The following SLC35D1 variants were observed in gnomAD, a reference collection of about 807,000 sequenced individuals.
SLC35D1 encodes nucleotide sugar transporter SLC35D1.
In SLC35D1, 31 loss-of-function variants were observed where a neutral mutation model predicts 46.7. The ratio of observed to expected loss-of-function variants is 0.66; its 90% CI spans 0.50 to 0.90. The LOEUF (loss-of-function observed/expected upper bound fraction) is 0.90. Among genes scored for constraint, SLC35D1 ranks in the 40% least tolerant of loss-of-function variants. SLC35D1 has a pLI of 0.00. For synonymous variants in SLC35D1, 195 were observed against 164.6 expected, an observed-to-expected ratio of 1.18 and a Z score of -1.41; for missense variants, 397 against 426.2, an observed-to-expected ratio of 0.93 and a Z score of 0.60.
chr1:67,001,147 A>T lies in SLC35D1; in HGVS notation c.*3193T>A, dbSNP rs1321636822. On this transcript the variant is annotated 3_prime_UTR_variant, in exon 12 of 12. Transcript: ENST00000235345. ...TGCTCACTAAGTCTTTGCTCACTGAACGAGGCTATCAAGTAAGGCAGGCCC... is the reference window on the plus strand; with the variant it reads ...TGCTCACTAAGTCTTTGCTCACTGATCGAGGCTATCAAGTAAGGCAGGCCC... 3 of 152,304 alleles carry T rather than the reference A, an allele frequency of 2.0e-5. No homozygotes were observed. The highest frequency in any genetic ancestry group is 7.2e-5 in the African/African-American group (3 of 41,432). 9.4% of individuals were successfully genotyped at this position (152,304 alleles called of 1,614,324 possible). A position where few individuals can be genotyped will look rare whatever the true frequency, so the allele number is the denominator to read the frequency against.
downstream of SLC35D1, among the ~76,000 whole-genome samples, chr1:66,997,519 A>AAAAAATATAT (rs1553262615): frequency 2.7e-5 from 2 of 74,070 alleles, no homozygotes; most frequent in Non-Finnish European, 5.1e-5. Flanking sequence ...AAAAAAAAAA[A>AAAAAATATAT]ATATATATAT....
In SLC35D1 at chr1:67,012,208, T is replaced by A. The variant is rs139495960; in HGVS notation, c.877-3041A>T. ...TCAACCTTTGTTGCCTGGTTAGTACTAAAAAAGTCCAGTCCCATGAGGGCC... is the reference window on the plus strand; with the variant it reads ...TCAACCTTTGTTGCCTGGTTAGTACAAAAAAAGTCCAGTCCCATGAGGGCC... On this transcript the variant is annotated intron_variant, in intron 10 of 11. Coordinates refer to ENST00000235345, the MANE Select transcript of SLC35D1 (RefSeq NM_015139.3). 3.5e-3 allele frequency among the ~76,000 whole-genome samples: 539 copies of A among 152,252 alleles called. 3 individuals are homozygous for A. The highest frequency in any genetic ancestry group is 0.012 in the African/African-American group (515 of 41,548).
At chr1:67,010,582 T>C (rs1235224145) in intron 10 of SLC35D1, among the ~76,000 whole-genome samples, 1 of 152,110 alleles carries the variant, frequency 6.6e-6, no homozygotes, top group Non-Finnish European at 1.5e-5. Context: ...AGGCTGAATA[T>C]CCTTTATCAG....
At chr1:67,011,239 C>T (rs1397412882) in intron 10 of SLC35D1, among the ~76,000 whole-genome samples, 3 of 152,148 alleles carry the variant, frequency 2.0e-5, no homozygotes, top group Non-Finnish European at 2.9e-5. Context: ...TTTTCTTTTA[C>T]TAGTCTGTCT....
Position 67,052,039 on chromosome 1 carries a change from G to T in SLC35D1, c.365C>A (p.Thr122Lys), listed in dbSNP as rs777506650. Residue 122 changes from threonine (T) to lysine (K), a missense_variant, in exon 4 of 12, where the codon ACG becomes AAG. By Grantham distance (78) the Thr-to-Lys change is moderately conservative. Transcript: ENST00000235345. ...LPLLYFGNQI[T>K]GLFSTKKLNL... ...CAGTTTCTTTGTGCTGAACAGTCCC[G>T]TGATTTGGTTCCCAAAATATAGTAG... is the stretch of plus-strand genomic sequence containing the variant. The T allele has an allele frequency of 6.2e-7, 1 of 1,610,384 alleles. No homozygotes were observed.
chr1:66,978,163 T>C, the SLC35D1 span, among the ~76,000 whole-genome samples: 1 of 146,486 alleles, frequency 6.8e-6, no homozygotes, highest in Admixed American at 7.0e-5. Context: ...ACCACTGCAC[T>C]CCAGCCTGGG....
chr1:67,021,065 A>G (rs1667787835), intron 9 of SLC35D1, among the ~76,000 whole-genome samples: 1 of 152,194 alleles, frequency 6.6e-6, no homozygotes, highest in East Asian at 1.9e-4. Context: ...AAAACACATT[A>G]GAGAAATATG....
At chr1:67,033,417 C>T (rs1191109300) in intron 8 of SLC35D1, among the ~76,000 whole-genome samples, 1 of 151,924 alleles carries the variant, frequency 6.6e-6, no homozygotes, top group Non-Finnish European at 1.5e-5. Context: ...GGTTAAAAAC[C>T]TTTTTAACTA....
In SLC35D1 at chr1:67,004,173, C is replaced by G. The variant is rs1667398531; in HGVS notation, c.*167G>C. ...AAAATAGAGTCAATTATAAGTTTCT[C>G]TCTTCATAAAATTTTAAAAGGCAGC... On this transcript the variant is annotated 3_prime_UTR_variant, in exon 12 of 12. Coordinates refer to ENST00000235345, the MANE Select transcript of SLC35D1 (RefSeq NM_015139.3). The G allele has an allele frequency of 3.1e-6, 2 of 648,340 alleles. No homozygotes were observed. The allele number at this position is 648,340 out of a possible 1,614,324, so 40.2% of individuals were successfully genotyped here.
the SLC35D1 span, among the ~76,000 whole-genome samples, chr1:66,990,421 C>T: frequency 2.2e-4 from 34 of 152,140 alleles, no homozygotes; most frequent in African/African-American, 4.8e-4. Context: ...GACAGGTGTG[C>T]GCCACCACGC....
chr1:67,054,129 G>T lies in SLC35D1; in HGVS notation c.-116C>A. 1 of 1,040,178 alleles carries T rather than the reference G, an allele frequency of 9.6e-7. No individual in the cohort carries two copies. Among genetic ancestry groups the T allele is most frequent in the Non-Finnish European group, 1.4e-6 (1 of 735,642 alleles). 64.4% of individuals were successfully genotyped at this position (1,040,178 alleles called of 1,614,324 possible). A position where few individuals can be genotyped will look rare whatever the true frequency, so the allele number is the denominator to read the frequency against. On this transcript the variant is annotated 5_prime_UTR_variant, in exon 1 of 12. Coordinates refer to ENST00000235345, the MANE Select transcript of SLC35D1 (RefSeq NM_015139.3). ...CGCAGACTAGGCCAGCTGCGCGCTCGCCGCCTCGACTCCCCGCTTGGCCGC... is the reference window on the plus strand; with the variant it reads ...CGCAGACTAGGCCAGCTGCGCGCTCTCCGCCTCGACTCCCCGCTTGGCCGC...
rs2755257 is a variant in SLC35D1, at chr1:67,049,626, C to T, written c.533+156G>A. On this transcript the variant is annotated intron_variant, in intron 6 of 11. Coordinates refer to ENST00000235345, the MANE Select transcript of SLC35D1 (RefSeq NM_015139.3). ...ATTTTTGTCAACCTTTATCTTAATA[C>T]AGCCAAAAAGATTTAACCTTTTCAA... is the stretch of plus-strand genomic sequence containing the variant. Among the ~76,000 whole-genome samples the T allele has an allele frequency of 0.53, 80,859 of 152,088 alleles. 22,710 individuals carry two copies. The highest frequency in any genetic ancestry group is 0.68 in the South Asian group (3,279 of 4,824).
chr1:67,012,810 A>C (rs1018583836), intron 10 of SLC35D1, among the ~76,000 whole-genome samples: 2 of 152,116 alleles, frequency 1.3e-5, no homozygotes, highest in Non-Finnish European at 1.5e-5. Flanking sequence ...GTACACTTTC[A>C]CCACCATAGC....
chr1:67,053,741 A>G, intron 1 of SLC35D1, 70 bp downstream of exon 1: 2 of 1,344,198 alleles, frequency 1.5e-6, no homozygotes, highest in Non-Finnish European at 1.9e-6. Flanking sequence ...AAGTCCAGGG[A>G]GCCGGCGCCG....
chr1:66,998,941 AAACTGT>A (rs1410356995), downstream of SLC35D1, among the ~76,000 whole-genome samples: 1 of 152,184 alleles, frequency 6.6e-6, no homozygotes, highest in African/African-American at 2.4e-5. Flanking sequence ...TAACACTACT[AAACTGT>A]ATGCTTAAAA....
At chr1:67,029,793 T>C (rs1667981820) in intron 8 of SLC35D1, among the ~76,000 whole-genome samples, 1 of 152,238 alleles carries the variant, frequency 6.6e-6, no homozygotes. Context: ...AAAAGTTTTA[T>C]TTCACATTTA....
chr1:66,982,896 C>T, the SLC35D1 span, among the ~76,000 whole-genome samples: 3 of 152,224 alleles, frequency 2.0e-5, no homozygotes, highest in African/African-American at 4.8e-5. Context: ...ATGTTTGTCA[C>T]GTCCATTCTG....
chr1:66,995,011 C>G (rs922113092), downstream of SLC35D1, among the ~76,000 whole-genome samples: 1 of 151,948 alleles, frequency 6.6e-6, no homozygotes, highest in Non-Finnish European at 1.5e-5. Flanking sequence ...ACTCAAATCC[C>G]TTTTCTTTTC....
the SLC35D1 span, among the ~76,000 whole-genome samples, chr1:66,978,924 AC>A: frequency 6.6e-6 from 1 of 152,210 alleles, no homozygotes; most frequent in Non-Finnish European, 1.5e-5. Flanking sequence ...TTTATCTGTA[AC>A]TTTAATGACT....
Sources: allele counts gnomAD v4.1 joint callset (sites outside exome capture counted in the v4.1 genomes callset), GRCh38; gene constraint gnomAD v4.1.1; transcripts MANE v1.5; gene names NCBI Gene and HGNC (gene_info 2026-07-23, HGNC 2026-07-21).